The following TAF7 variants were observed in gnomAD, a reference collection of about 807,000 sequenced individuals.
TAF7 encodes the protein transcription initiation factor TFIID subunit 7.
In TAF7, 9 loss-of-function variants were observed where a neutral mutation model predicts 25.3. The observed-to-expected ratio is 0.36, with a 90% CI of 0.21 to 0.62. The LOEUF (loss-of-function observed/expected upper bound fraction) is 0.62, where lower values mean the gene tolerates loss of function less well. Ranked by LOEUF, TAF7 falls within the 20% of genes least tolerant of loss-of-function variation. The pLI, the probability that TAF7 is intolerant of heterozygous loss-of-function variation, is 0.72. For missense variants in TAF7, 311 were observed against 410.6 expected (o/e 0.76, Z 2.10); for synonymous variants, 127 against 146.7 (o/e 0.87, Z 0.97).
rs751767149 is a variant in TAF7, at chr5:141,319,314, A to G, written c.731T>C (p.Ile244Thr). Residue 244 changes from isoleucine (I) to threonine (T), a missense_variant, in exon 1 of 1, where the codon ATA becomes ACA. Physicochemically the swap from Ile to Thr is moderately conservative, Grantham distance 89. Coordinates refer to ENST00000313368, the MANE Select transcript of TAF7 (RefSeq NM_005642.3). The surrounding 1 kb of genome is among the most constrained non-coding windows in gnomAD (Gnocchi z 5.3). The stretch of plus-strand genomic sequence containing the variant: ...ATCTTCCTCCGTGTCAATGATGTTT[A>G]TATCTTCTTCATCTTGATGCTGGGT... Reference protein sequence around the residue: ...DETQHQDEEDINIIDTEEDLE... With the variant: ...DETQHQDEEDTNIIDTEEDLE... 8 of 1,613,812 alleles carry G rather than the reference A, an allele frequency of 5.0e-6. No individual in the cohort carries two copies. The highest frequency in any genetic ancestry group is 3.3e-5 in the Admixed American group (2 of 59,990).
Position 141,319,045 on chromosome 5 carries a change from C to G in TAF7, c.1000G>C (p.Glu334Gln). The change falls in exon 1 of 1, where the codon GAG (glutamate) becomes CAG (glutamine). Residue 334 changes from glutamate to glutamine, a missense_variant. Physicochemically the swap from Glu to Gln is conservative, Grantham distance 29 (BLOSUM62 2). This residue lies in a region of TAF7 where 179 missense variants were observed against 206.7 expected (regional missense o/e 0.87). Coordinates refer to ENST00000313368, the MANE Select transcript of TAF7 (RefSeq NM_005642.3). The surrounding 1 kb of genome is among the most constrained non-coding windows in gnomAD (Gnocchi z 5.3). ...ELKQKEDREK[E>Q]QLSSLQEELE... ...TCCTCTTGCAAAGAGCTGAGTTGCT[C>G]CTTTTCTCGGTCTTCCTTTTGTTTG... 6.2e-7 allele frequency: 1 copy of G among 1,613,678 alleles called. No homozygotes were observed. The highest frequency in any genetic ancestry group is 8.5e-7 in the Non-Finnish European group (1 of 1,179,906).
rs758645826 is a variant in TAF7 at position 141,319,724 on chromosome 5, C to A, written c.321G>T (p.Val107=). 2 of 1,614,132 alleles carry A rather than the reference C, an allele frequency of 1.2e-6. No individual in the cohort carries two copies. Among genetic ancestry groups the A allele is most frequent in the East Asian group, 4.5e-5 (2 of 44,888 alleles). Residue 107 remains valine, a synonymous_variant, in exon 1 of 1, where the codon GTG becomes GTT. Transcript: ENST00000313368. This position sits in a 1 kb window ranked among gnomAD's most constrained non-coding sequence, Gnocchi z 5.3. ...STVDGDLYPP[V]EEPVASTDPK... ...GATCAGTGCTAGCAACTGGCTCCTC[C>A]ACAGGAGGATAGAGATCACCATCAA...
rs1487005993 is a variant in TAF7, at chr5:141,319,974, T to A, written c.71A>T (p.Tyr24Phe). The change falls in exon 1 of 1, where the codon TAT becomes TTT. Residue 24 changes from tyrosine (Y) to phenylalanine (F), a missense_variant. This residue lies in a region of TAF7 where 119 missense variants were observed against 159.3 expected (regional missense o/e 0.75). Coordinates refer to ENST00000313368, the MANE Select transcript of TAF7 (RefSeq NM_005642.3). The surrounding 1 kb of genome is among the most constrained non-coding windows in gnomAD (Gnocchi z 5.3). ...TACTGCCCTTCTCACAGTAGAGGCA[T>A]ATTCTGGAGGCAGACGTAAGATAAA... ...SQFILRLPPEYASTVRRAVQS... is the reference protein window; with the variant it reads ...SQFILRLPPEFASTVRRAVQS... 6.2e-7 allele frequency: 1 copy of A among 1,614,034 alleles called. No individual in the cohort carries two copies. Among genetic ancestry groups the A allele is most frequent in the African/African-American group, 1.3e-5 (1 of 74,908 alleles).
chr5:141,319,715 T>G lies in TAF7; in HGVS notation c.330A>C (p.Pro110=). 1 of 1,614,192 alleles carries G rather than the reference T, an allele frequency of 6.2e-7. No individual in the cohort carries two copies. The highest frequency in any genetic ancestry group is 8.5e-7 in the Non-Finnish European group (1 of 1,180,046). The change falls in exon 1 of 1, where the codon CCA becomes CCC. Residue 110 remains proline (P), a synonymous_variant. Transcript: ENST00000313368. The surrounding 1 kb of genome is among the most constrained non-coding windows in gnomAD (Gnocchi z 5.3). Reference sequence around the variant, plus strand: ...TTGCTTTAGGATCAGTGCTAGCAACTGGCTCCTCCACAGGAGGATAGAGAT... The same window carrying G: ...TTGCTTTAGGATCAGTGCTAGCAACGGGCTCCTCCACAGGAGGATAGAGAT... ...DGDLYPPVEE[P]VASTDPKASK...
At position 141,319,487 on chromosome 5, in the gene TAF7, T is replaced by A. The variant is rs941815743; in HGVS notation, c.558A>T (p.Glu186Asp). The part of the protein sequence containing the change: ...AVSTRWEIIA[E>D]DETKEAENQG... ...GATTTTCTGCCTCCTTTGTTTCATC[T>A]TCGGCAATTATTTCCCACCGAGTAC... Residue 186 changes from glutamate to aspartate, a missense_variant, in exon 1 of 1, where the codon GAA (glutamate) becomes GAT (aspartate). Physicochemically the swap from Glu to Asp is conservative, Grantham distance 45. Around this residue, in one of 3 missense-constraint regions of TAF7, gnomAD observed 179 missense variants for 206.7 expected, o/e 0.87. Transcript: ENST00000313368. The surrounding 1 kb of genome is among the most constrained non-coding windows in gnomAD (Gnocchi z 5.3). 4 of 1,614,068 alleles carry A rather than the reference T, an allele frequency of 2.5e-6. No individual in the cohort carries two copies. Among genetic ancestry groups the A allele is most frequent in the East Asian group, 2.2e-5 (1 of 44,896 alleles).
rs143209032 is a variant in TAF7, at chr5:141,319,221, T to A, written c.824A>T (p.Asn275Ile). Residue 275 changes from asparagine to isoleucine, a missense_variant, in exon 1 of 1, where the codon AAT becomes ATT. Asn to Ile is a moderately radical substitution (Grantham distance 149). Around this residue, in one of 3 missense-constraint regions of TAF7, gnomAD observed 179 missense variants for 206.7 expected, o/e 0.87. Transcript: ENST00000313368. The surrounding 1 kb of genome is among the most constrained non-coding windows in gnomAD (Gnocchi z 5.3). ...DEQHQENEGT[N>I]QLVMGIQKQI... ...CTTCTGAATTCCCATAACCAGCTGA[T>A]TGGTTCCTTCATTTTCCTGGTGCTG... is the stretch of plus-strand genomic sequence containing the variant. The A allele has an allele frequency of 1.2e-6, 2 of 1,613,960 alleles. No individual in the cohort carries two copies. Among genetic ancestry groups the A allele is most frequent in the African/African-American group, 2.7e-5 (2 of 74,924 alleles).
chr5:141,319,795 T>C lies in TAF7; in HGVS notation c.250A>G (p.Thr84Ala). Residue 84 changes from threonine to alanine, a missense_variant, in exon 1 of 1, where the codon ACT (threonine) becomes GCT (alanine). Transcript: ENST00000313368. The surrounding 1 kb of genome is among the most constrained non-coding windows in gnomAD (Gnocchi z 5.3). ...CAGATATCAGCTGTCTTGTAAAAAG[T>C]TTTTTTATCAATGGTTTTCAAGCTT... ...MESLKTIDKKTFYKTADICQM... is the reference protein window; with the variant it reads ...MESLKTIDKKAFYKTADICQM... 1 of 1,614,088 alleles carries C rather than the reference T, an allele frequency of 6.2e-7. No individual in the cohort carries two copies. Among genetic ancestry groups the C allele is most frequent in the East Asian group, 2.2e-5 (1 of 44,886 alleles).
In TAF7 at chr5:141,320,059, G is replaced by A. The variant is rs768974692; in HGVS notation, c.-15C>T. ...CTTTTACTCATCTTTATTTCCTTGTGATTCACTTCTCCAATAAATGCTGGT... is the reference window on the plus strand; with the variant it reads ...CTTTTACTCATCTTTATTTCCTTGTAATTCACTTCTCCAATAAATGCTGGT... On this transcript the variant is annotated 5_prime_UTR_variant, in exon 1 of 1. Transcript: ENST00000313368. 3 of 1,596,642 alleles carry A rather than the reference G, an allele frequency of 1.9e-6. No homozygotes were observed. The highest frequency in any genetic ancestry group is 3.4e-5 in the Admixed American group (2 of 58,108).
At position 141,319,880 on chromosome 5, in the gene TAF7, G is replaced by A. The variant is rs1361411773; in HGVS notation, c.165C>T (p.Ile55=). ...IELHPDGRHG[I]VRVDRVPLAS... ...CCAATGGAACACGGTCCACTCTGAC[G>A]ATTCCATGACGCCCATCAGGATGTA... The change falls in exon 1 of 1, where the codon ATC becomes ATT. Residue 55 remains isoleucine, a synonymous_variant. Coordinates refer to ENST00000313368, the MANE Select transcript of TAF7 (RefSeq NM_005642.3). The surrounding 1 kb of genome is among the most constrained non-coding windows in gnomAD (Gnocchi z 5.3). 1.2e-6 allele frequency: 2 copies of A among 1,614,132 alleles called. No homozygotes were observed. Among genetic ancestry groups the A allele is most frequent in the South Asian group, 2.2e-5 (2 of 91,080 alleles).
Position 141,319,260 on chromosome 5 carries a change from T to C in TAF7, c.785A>G (p.Asn262Ser). 1 of 1,614,088 alleles carries C rather than the reference T, an allele frequency of 6.2e-7. No individual in the cohort carries two copies. The highest frequency in any genetic ancestry group is 1.1e-5 in the South Asian group (1 of 91,082). Residue 262 changes from asparagine (N) to serine (S), a missense_variant, in exon 1 of 1, where the codon AAT becomes AGT. This residue lies in a region of TAF7 where 179 missense variants were observed against 206.7 expected (regional missense o/e 0.87). Transcript: ENST00000313368. The surrounding 1 kb of genome is among the most constrained non-coding windows in gnomAD (Gnocchi z 5.3). ...TTCCTGGTGCTGTTCATCTGATTCA[T>C]TTAGCTTGTCCTGTAGCTGTCTCTC... The part of the protein sequence containing the change: ...DLERQLQDKL[N>S]ESDEQHQENE...
In TAF7 at chr5:141,319,196, C is replaced by T. The variant is rs991457994; in HGVS notation, c.849G>A (p.Lys283=). The change falls in exon 1 of 1, where the codon AAG becomes AAA. Residue 283 remains lysine (K), a synonymous_variant. Transcript: ENST00000313368. This position sits in a 1 kb window ranked among gnomAD's most constrained non-coding sequence, Gnocchi z 5.3. ...GTNQLVMGIQ[K]QIDNMKGKLQ... ...GCTTGCCTTTCATGTTGTCAATCTG[C>T]TTCTGAATTCCCATAACCAGCTGAT... is the stretch of plus-strand genomic sequence containing the variant. The T allele has an allele frequency of 6.2e-7, 1 of 1,614,128 alleles. No individual in the cohort carries two copies. The highest frequency in any genetic ancestry group is 1.3e-5 in the African/African-American group (1 of 75,036).
In TAF7 at chr5:141,319,489, C is replaced by T. The variant is rs762649655; in HGVS notation, c.556G>A (p.Glu186Lys). Residue 186 changes from glutamate (E) to lysine (K), a missense_variant, in exon 1 of 1, where the codon GAA becomes AAA. Transcript: ENST00000313368. This position sits in a 1 kb window ranked among gnomAD's most constrained non-coding sequence, Gnocchi z 5.3. ...AVSTRWEIIA[E>K]DETKEAENQG... ...TTTTCTGCCTCCTTTGTTTCATCTT[C>T]GGCAATTATTTCCCACCGAGTACTA... The T allele has an allele frequency of 1.2e-6, 2 of 1,614,012 alleles. No individual in the cohort carries two copies. Among genetic ancestry groups the T allele is most frequent in the Non-Finnish European group, 8.5e-7 (1 of 1,180,006 alleles).
At position 141,319,372 on chromosome 5, in the gene TAF7, C is replaced by T. The variant is rs778472420; in HGVS notation, c.673G>A (p.Asp225Asn). The change falls in exon 1 of 1, where the codon GAC (aspartate) becomes AAC (asparagine). Residue 225 changes from aspartate to asparagine, a missense_variant. Transcript: ENST00000313368. The surrounding 1 kb of genome is among the most constrained non-coding windows in gnomAD (Gnocchi z 5.3). ...EHDELREIFN[D>N]LSSSSEDEDE... ...TCATCCTCACTGCTGCTGCTGAGGT[C>T]ATTGAATATCTCCCGAAGCTCATCA... 2 of 1,614,140 alleles carry T rather than the reference C, an allele frequency of 1.2e-6. No homozygotes were observed. Among genetic ancestry groups the T allele is most frequent in the Non-Finnish European group, 1.7e-6 (2 of 1,180,052 alleles).
Position 141,318,735 on chromosome 5 carries a change from T to C in TAF7, c.*260A>G, listed in dbSNP as rs1756114312. 3.0e-6 allele frequency: 1 copy of C among 331,466 alleles called. No individual in the cohort carries two copies. The highest frequency in any genetic ancestry group is 2.1e-5 in the African/African-American group (1 of 46,632). The allele number at this position is 331,466 out of a possible 1,614,324, so 20.5% of individuals were successfully genotyped here. A position where few individuals can be genotyped will look rare whatever the true frequency, so the allele number is the denominator to read the frequency against. ...TCCTGCAATGAAGCTATAATTAAGG[T>C]TGAACCATACATTCCGCTAATCCTG... On this transcript the variant is annotated 3_prime_UTR_variant, in exon 1 of 1. Transcript: ENST00000313368.
Position 141,319,835 on chromosome 5 carries a change from C to A in TAF7, c.210G>T (p.Leu70=). ...RVPLASKLVD[L]PCVMESLKTI... ...TTTTCAAGCTTTCCATAACACAGGG[C>A]AGGTCTACTAATTTTGAGGCCAATG... The change falls in exon 1 of 1, where the codon CTG becomes CTT. Residue 70 remains leucine (L), a synonymous_variant. Coordinates refer to ENST00000313368, the MANE Select transcript of TAF7 (RefSeq NM_005642.3). This position sits in a 1 kb window ranked among gnomAD's most constrained non-coding sequence, Gnocchi z 5.3. The A allele has an allele frequency of 6.2e-7, 1 of 1,614,134 alleles. No individual in the cohort carries two copies. Among genetic ancestry groups the A allele is most frequent in the East Asian group, 2.2e-5 (1 of 44,878 alleles).
chr5:141,318,876 A>C lies in TAF7; in HGVS notation c.*119T>G. 7 of 878,672 alleles carry C rather than the reference A, an allele frequency of 8.0e-6. No homozygotes were observed. Among genetic ancestry groups the C allele is most frequent in the Non-Finnish European group, 1.2e-5 (7 of 606,088 alleles). The allele number at this position is 878,672 out of a possible 1,614,324, so 54.4% of individuals were successfully genotyped here. On this transcript the variant is annotated 3_prime_UTR_variant, in exon 1 of 1. Coordinates refer to ENST00000313368, the MANE Select transcript of TAF7 (RefSeq NM_005642.3). Reference sequence around the variant, plus strand: ...AAATTACAAACAAATGAAAGAACTTAACAGAACACACAGCATTAAAAGGAC... The same window carrying C: ...AAATTACAAACAAATGAAAGAACTTCACAGAACACACAGCATTAAAAGGAC...
chr5:141,319,461 T>G lies in TAF7; in HGVS notation c.584A>C (p.Gln195Pro). 6.2e-7 allele frequency: 1 copy of G among 1,614,202 alleles called. No homozygotes were observed. The highest frequency in any genetic ancestry group is 8.5e-7 in the Non-Finnish European group (1 of 1,180,024). Residue 195 changes from glutamine (Q) to proline (P), a missense_variant, in exon 1 of 1, where the codon CAA becomes CCA. By Grantham distance (76) the Gln-to-Pro change is moderately conservative. Transcript: ENST00000313368. This position sits in a 1 kb window ranked among gnomAD's most constrained non-coding sequence, Gnocchi z 5.3. ...AEDETKEAEN[Q>P]GLDISSPGMS... ...TCCTGGAGAAGAGATATCCAGGCCT[T>G]GATTTTCTGCCTCCTTTGTTTCATC...
chr5:141,320,346 G>A lies in TAF7; in HGVS notation c.-302C>T, dbSNP rs146447648. On this transcript the variant is annotated 5_prime_UTR_variant, in exon 1 of 1. Transcript: ENST00000313368. ...CCTCTAGGTGCCGCTGCCGGACAAC[G>A]CGGAGAGAGCTAGCTAGCTAGCTAG... 34 of 271,728 alleles carry A rather than the reference G, an allele frequency of 1.3e-4. No individual in the cohort carries two copies. In the East Asian group the frequency reaches 2.8e-3, roughly 22 times the overall value. The allele number at this position is 271,728 out of a possible 1,614,324, so 16.8% of individuals were successfully genotyped here.
At position 141,320,571 on chromosome 5, in the gene TAF7, G is replaced by A. The variant is rs569297716; in HGVS notation, c.-527C>T. 2 of 168,026 alleles carry A rather than the reference G, an allele frequency of 1.2e-5. No individual in the cohort carries two copies. Among genetic ancestry groups the A allele is most frequent in the East Asian group, 3.9e-4 (2 of 5,192 alleles). 10.4% of individuals were successfully genotyped at this position (168,026 alleles called of 1,614,324 possible). ...CACCGGGCCGGAGCGAAGGGAAGAGGAGGCCGCAAGGAGCCAAGCGGGAGA... is the reference window on the plus strand; with the variant it reads ...CACCGGGCCGGAGCGAAGGGAAGAGAAGGCCGCAAGGAGCCAAGCGGGAGA... On this transcript the variant is annotated 5_prime_UTR_variant, in exon 1 of 1. Coordinates refer to ENST00000313368, the MANE Select transcript of TAF7 (RefSeq NM_005642.3).
Sources: gnomAD v4.1 joint callset for allele counts on GRCh38, gnomAD v4.1.1 for gene constraint, gnomAD v4.1.1 regional missense constraint, Gnocchi (gnomAD v3.1) non-coding constraint, MANE v1.5 for transcripts, NCBI Gene and HGNC (gene_info 2026-07-23, HGNC 2026-07-21) for gene names.